Variants in ANKRD22 observed in about 807,000 individuals in gnomAD.
The protein encoded by ANKRD22 is ankyrin repeat domain-containing protein 22.
ANKRD22 carries 24 observed loss-of-function variants against 25.7 expected under a neutral mutation model. That is an observed-to-expected ratio of 0.93 (90% CI 0.68 to 1.31). ANKRD22 has a LOEUF of 1.31. ANKRD22 is among the 50% of genes most tolerant of loss of function. ANKRD22 has a pLI of 0.00. For missense variants in ANKRD22, 214 were observed against 227.1 expected (o/e 0.94, Z 0.37); for synonymous variants, 84 against 84.3 (o/e 1.00, Z 0.02).
At position 88,851,817 on chromosome 10, in the gene ANKRD22, A is replaced by G. The variant is rs965134936; in HGVS notation, c.-210T>C. Reference sequence around the variant, plus strand: ...CACACCTTCCAGAGAGCCCAGCCCAATGAAACAAAGGCACTGGTGTCATGT... The same window carrying G: ...CACACCTTCCAGAGAGCCCAGCCCAGTGAAACAAAGGCACTGGTGTCATGT... On this transcript the variant is annotated 5_prime_UTR_variant, in exon 1 of 6. Coordinates refer to ENST00000371930, the MANE Select transcript of ANKRD22 (RefSeq NM_144590.3). 3.3e-5 allele frequency: 19 copies of G among 575,930 alleles called. No homozygotes were observed. The highest frequency in any genetic ancestry group is 1.4e-4 in the South Asian group (7 of 48,398). 35.7% of individuals were successfully genotyped at this position (575,930 alleles called of 1,614,324 possible).
Position 88,820,572 on chromosome 10 carries a change from C to G in ANKRD22, c.*2369G>C. 2 of 1,422,470 alleles carry G rather than the reference C, an allele frequency of 1.4e-6. No individual in the cohort carries two copies. Among genetic ancestry groups the G allele is most frequent in the Non-Finnish European group, 1.9e-6 (2 of 1,063,818 alleles). 88.1% of individuals were successfully genotyped at this position (1,422,470 alleles called of 1,614,324 possible). A position where few individuals can be genotyped will look rare whatever the true frequency, so the allele number is the denominator to read the frequency against. ...GCTAGGACCCATGAAGGCAGAATTA[C>G]GGAGAGCAGAGACCTAGTATACATT... On this transcript the variant is annotated 3_prime_UTR_variant, in exon 6 of 6. Transcript: ENST00000371930.
rs1455633511 is a variant in ANKRD22, at chr10:88,829,237, T to C, written c.214-571A>G. Among the ~76,000 whole-genome samples, 2 of 152,106 alleles carry C rather than the reference T, an allele frequency of 1.3e-5. 1 individual carries two copies. The highest frequency in any genetic ancestry group is 2.9e-5 in the Non-Finnish European group (2 of 68,022). On this transcript the variant is annotated intron_variant, in intron 2 of 5. Coordinates refer to ENST00000371930, the MANE Select transcript of ANKRD22 (RefSeq NM_144590.3). ...ACTCTTAGGGCCTCATAATCAAAGA[T>C]GGACAGAAATATGCACAAATAAATA...
At chr10:88,831,758 A>T in intron 2 of ANKRD22, 77 bp downstream of exon 2, 1 of 1,398,830 alleles carries the variant, frequency 7.1e-7, no homozygotes, top group Non-Finnish European at 9.6e-7. Context: ...AAAAAATGAC[A>T]TGCACCACTT....
chr10:88,850,962 T>C (rs1225413515), intron 1 of ANKRD22, among the ~76,000 whole-genome samples: 1 of 152,180 alleles, frequency 6.6e-6, no homozygotes, highest in African/African-American at 2.4e-5. Context: ...GTCTAAACAT[T>C]CCTTGCTTGT....
rs1843907834 is a variant in ANKRD22, at chr10:88,831,947, A to G, written c.101T>C (p.Val34Ala). Residue 34 changes from valine (V) to alanine (A), a missense_variant, in exon 2 of 6, where the codon GTT (valine) becomes GCT (alanine). Physicochemically the swap from Val to Ala is moderately conservative, Grantham distance 64 (BLOSUM62 0). Transcript: ENST00000371930. Reference sequence around the variant, plus strand: ...CGTGTCTCCATTAAAGCCATCTTGAACGTTGGCATAGCTGCTGTCTTCTTT... The same window carrying G: ...CGTGTCTCCATTAAAGCCATCTTGAGCGTTGGCATAGCTGCTGTCTTCTTT... ...WVKEDSSYANVQDGFNGDTPL... is the reference protein window; with the variant it reads ...WVKEDSSYANAQDGFNGDTPL... 1.9e-6 allele frequency: 3 copies of G among 1,613,822 alleles called. No homozygotes were observed. Among genetic ancestry groups the G allele is most frequent in the Admixed American group, 3.3e-5 (2 of 59,962 alleles).
chr10:88,823,593 C>G (rs796828323), intron 4 of ANKRD22: 8 of 434,566 alleles, frequency 1.8e-5, no homozygotes, highest in African/African-American at 1.0e-4. Context: ...TTTGGGAGGC[C>G]GAGGCGGGCG....
At position 88,826,017 on chromosome 10, in the gene ANKRD22, T is replaced by A. The variant is rs371979678; in HGVS notation, c.399+21A>T. 3 of 1,582,730 alleles carry A rather than the reference T, an allele frequency of 1.9e-6. No homozygotes were observed. The East Asian group carries it at 6.7e-5, about 35-fold the overall frequency. On this transcript the variant is annotated intron_variant, in intron 4 of 5. Coordinates refer to ENST00000371930, the MANE Select transcript of ANKRD22 (RefSeq NM_144590.3). ...TACCATTTTGAATATTTTTTCAAAATGGCTAAAAGTATAAACTTACACAAT... is the reference window on the plus strand; with the variant it reads ...TACCATTTTGAATATTTTTTCAAAAAGGCTAAAAGTATAAACTTACACAAT...
chr10:88,844,886 G>A (rs1352183794), intron 1 of ANKRD22, among the ~76,000 whole-genome samples: 3 of 152,080 alleles, frequency 2.0e-5, no homozygotes, highest in African/African-American at 7.2e-5. Flanking sequence ...TTTATTCGGG[G>A]ATTTTTTTCT....
At position 88,822,744 on chromosome 10, in the gene ANKRD22, T is replaced by C; in HGVS notation, c.*197A>G. ...AACTTTAGTGTTTCCCTTAGAAGGA[T>C]TACGGCCATGGTGAACTTGACTGAG... On this transcript the variant is annotated 3_prime_UTR_variant, in exon 6 of 6. Transcript: ENST00000371930. 1 of 552,912 alleles carries C rather than the reference T, an allele frequency of 1.8e-6. No individual in the cohort carries two copies. Among genetic ancestry groups the C allele is most frequent in the Non-Finnish European group, 3.2e-6 (1 of 310,656 alleles). 34.3% of individuals were successfully genotyped at this position (552,912 alleles called of 1,614,324 possible).
intron 1 of ANKRD22, among the ~76,000 whole-genome samples, chr10:88,843,577 T>C (rs1269142271): frequency 6.6e-6 from 1 of 152,162 alleles, no homozygotes; most frequent in African/African-American, 2.4e-5. Flanking sequence ...GTGTGGACTT[T>C]AGGGTTCCAG....
At chr10:88,823,850 C>A (rs1333137994) in intron 4 of ANKRD22, among the ~76,000 whole-genome samples, 7 of 104,620 alleles carry the variant, frequency 6.7e-5, no homozygotes, top group African/African-American at 1.8e-4. Context: ...AAAAAAATTT[C>A]TTCTCTGTCT....
intron 1 of ANKRD22, among the ~76,000 whole-genome samples, chr10:88,841,353 C>T (rs1365727680): frequency 6.6e-6 from 1 of 151,886 alleles, no homozygotes; most frequent in Admixed American, 6.6e-5. Flanking sequence ...AGGTAACATC[C>T]AGTTCTACAA....
chr10:88,826,201 A>G, intron 3 of ANKRD22, 86 bp from the exon 4 acceptor site: 2 of 1,160,366 alleles, frequency 1.7e-6, no homozygotes, highest in Non-Finnish European at 1.3e-6. Flanking sequence ...AATAGGCTTC[A>G]TTTTAATCCC....
chr10:88,846,011 G>C (rs1325138569), intron 1 of ANKRD22, among the ~76,000 whole-genome samples: 1 of 152,050 alleles, frequency 6.6e-6, no homozygotes, highest in African/African-American at 2.4e-5. Flanking sequence ...AACCATTTCA[G>C]CTATTTCACC....
chr10:88,846,723 G>C (rs1844052266), intron 1 of ANKRD22, among the ~76,000 whole-genome samples: 2 of 152,264 alleles, frequency 1.3e-5, no homozygotes, highest in South Asian at 4.1e-4. Context: ...TGCTGCATTA[G>C]CACATCCCAG....
At position 88,848,487 on chromosome 10, in the gene ANKRD22, T is replaced by C. The variant is rs181498832; in HGVS notation, c.21+3100A>G. Among the ~76,000 whole-genome samples the C allele has an allele frequency of 4.5e-4, 69 of 152,226 alleles. No individual in the cohort carries two copies. The East Asian group carries it at 9.5e-3, about 21-fold the overall frequency. ...CGCCTGATGCTCTTCTTGCATATGT[T>C]GTTGAATACCAAAATCTTGCTAGGA... On this transcript the variant is annotated intron_variant, in intron 1 of 5. Transcript: ENST00000371930.
At chr10:88,834,536 T>C (rs2133075213) in intron 1 of ANKRD22, among the ~76,000 whole-genome samples, 1 of 152,350 alleles carries the variant, frequency 6.6e-6, no homozygotes, top group African/African-American at 2.4e-5. Flanking sequence ...AACAAGTGGC[T>C]TTAGAGCTCT....
chr10:88,849,540 T>C (rs1268550462), intron 1 of ANKRD22, among the ~76,000 whole-genome samples: 5 of 152,176 alleles, frequency 3.3e-5, no homozygotes, highest in Admixed American at 3.3e-4. Flanking sequence ...TAAGCACTTT[T>C]CAACTGTGTA....
At chr10:88,851,511 G>A in intron 1 of ANKRD22, 76 bp downstream of exon 1, 3 of 1,515,776 alleles carry the variant, frequency 2.0e-6, no homozygotes, top group African/African-American at 1.4e-5. Flanking sequence ...ATATTAACAG[G>A]GATAGAAAAT....
Sources: gnomAD v4.1 joint callset for allele counts (sites outside exome capture counted in the v4.1 genomes callset) on GRCh38, gnomAD v4.1.1 for gene constraint, MANE v1.5 for transcripts, NCBI Gene and HGNC (gene_info 2026-07-23, HGNC 2026-07-21) for gene names.